Variants in CLHC1 observed in about 807,000 individuals in gnomAD.
CLHC1 encodes the protein clathrin heavy chain linker domain containing 1, also known as clathrin heavy chain linker domain-containing protein 1.
A neutral mutation model predicts 69.5 loss-of-function variants in CLHC1; 72 were observed. The ratio of observed to expected loss-of-function variants is 1.04; its 90% CI spans 0.86 to 1.26. The LOEUF is 1.26. Among genes scored for constraint, CLHC1 ranks in the 50% most tolerant of loss-of-function variants. The pLI is 0.00. For missense variants in CLHC1, 790 were observed against 679.3 expected (o/e 1.16, Z -1.81); for synonymous variants, 223 against 224.3 (o/e 0.99, Z 0.05).
In CLHC1 at chr2:55,181,556, T is replaced by C; in HGVS notation, c.1181+14A>G. Reference sequence around the variant, plus strand: ...GAAATGTCAAAATTAAGTTAAAAGCTTAACTTTGCTTACCTTTCCTGTGTA... The same window carrying C: ...GAAATGTCAAAATTAAGTTAAAAGCCTAACTTTGCTTACCTTTCCTGTGTA... On this transcript the variant is annotated intron_variant, in intron 10 of 12. Transcript: ENST00000401408. 2 of 1,568,846 alleles carry C rather than the reference T, an allele frequency of 1.3e-6. No homozygotes were observed. The highest frequency in any genetic ancestry group is 2.4e-5 in the South Asian group (2 of 84,774).
chr2:55,187,279 C>A (rs925081015), intron 9 of CLHC1, among the ~76,000 whole-genome samples: 16 of 127,314 alleles, frequency 1.3e-4, no homozygotes, highest in African/African-American at 5.5e-4. Context: ...AACTCCATCT[C>A]AAATAAAATA....
intron 9 of CLHC1, among the ~76,000 whole-genome samples, chr2:55,200,352 T>C (rs1280391382): frequency 6.8e-6 from 1 of 148,034 alleles, no homozygotes; most frequent in Non-Finnish European, 1.5e-5. Context: ...TGGAAAAAGA[T>C]ATTCCATTCA....
chr2:55,179,662 C>T (rs1366795098), intron 11 of CLHC1, among the ~76,000 whole-genome samples: 9 of 152,052 alleles, frequency 5.9e-5, no homozygotes, highest in Admixed American at 6.5e-5. Flanking sequence ...GAGATGTCAG[C>T]AATGCCTGTA....
intron 9 of CLHC1, among the ~76,000 whole-genome samples, chr2:55,190,581 G>A (rs908363268): frequency 6.6e-6 from 1 of 152,256 alleles, no homozygotes; most frequent in Non-Finnish European, 1.5e-5. Context: ...CAAAGTTACA[G>A]AGATGAAAAC....
At chr2:55,194,654 C>T (rs1337273734) in intron 9 of CLHC1, among the ~76,000 whole-genome samples, 1 of 151,924 alleles carries the variant, frequency 6.6e-6, no homozygotes, top group African/African-American at 2.4e-5. Flanking sequence ...AAGAAAGCCA[C>T]AGAAGTACTA....
rs1339425309 is a variant in CLHC1 at position 55,222,406 on chromosome 2, T to G, written c.6A>C (p.Ser2=). 1 of 1,612,672 alleles carries G rather than the reference T, an allele frequency of 6.2e-7. No individual in the cohort carries two copies. The highest frequency in any genetic ancestry group is 1.7e-5 in the Admixed American group (1 of 59,756). The change falls in exon 3 of 13, where the codon TCA becomes TCC. Residue 2 remains serine, a synonymous_variant. Coordinates refer to ENST00000401408, the MANE Select transcript of CLHC1 (RefSeq NM_152385.4). ...CTGCATGTTTTCTTATTTGATGAAC[T>G]GACATATTTGACAATCTGCACACTT... is the stretch of plus-strand genomic sequence containing the variant. M[S]VHQIRKHAVL... is the part of the protein sequence containing the mutation.
At chr2:55,187,792 C>A (rs1292085931) in intron 9 of CLHC1, among the ~76,000 whole-genome samples, 1 of 151,932 alleles carries the variant, frequency 6.6e-6, no homozygotes, top group African/African-American at 2.4e-5. Context: ...AAATAATTAA[C>A]CTCAGAGGAA....
chr2:55,184,525 C>T (rs1216880178), intron 9 of CLHC1, among the ~76,000 whole-genome samples: 1 of 152,130 alleles, frequency 6.6e-6, no homozygotes, highest in Non-Finnish European at 1.5e-5. Flanking sequence ...TGCCTCCTAT[C>T]CAACATTTTA....
Position 55,222,281 on chromosome 2 carries a change from C to T in CLHC1, c.131G>A (p.Gly44Glu). The change falls in exon 3 of 13, where the codon GGA becomes GAA. Residue 44 changes from glycine (G) to glutamate (E), a missense_variant. Coordinates refer to ENST00000401408, the MANE Select transcript of CLHC1 (RefSeq NM_152385.4). ...TATGATGTAATATTCATCAGCAGGT[C>T]CTTCCTCACTACAGCCCAGTCTTTC... is the stretch of plus-strand genomic sequence containing the variant. The part of the protein sequence containing the change: ...ETERLGCSEE[G>E]PADEYYIIYR... 1.2e-6 allele frequency: 2 copies of T among 1,613,656 alleles called. No individual in the cohort carries two copies. Among genetic ancestry groups the T allele is most frequent in the South Asian group, 2.2e-5 (2 of 91,050 alleles).
At chr2:55,205,201 T>C (rs187704226) in intron 9 of CLHC1, among the ~76,000 whole-genome samples, 3 of 152,266 alleles carry the variant, frequency 2.0e-5, no homozygotes, top group Admixed American at 2.0e-4. Context: ...TGGAATACAG[T>C]ATGGAAATTT....
Position 55,175,955 on chromosome 2 carries a change from G to A in CLHC1, c.1596C>T (p.Ser532=). ...CTTGCCACTTTTCTATGGAGCAAAAGGAATCATTTATCATAAGACTTTCTA... is the reference window on the plus strand; with the variant it reads ...CTTGCCACTTTTCTATGGAGCAAAAAGAATCATTTATCATAAGACTTTCTA... ...DAVESLMIND[S]FCSIEKWQEV... The change falls in exon 13 of 13, where the codon TCC becomes TCT. Residue 532 remains serine, a synonymous_variant. Transcript: ENST00000401408. 2 of 1,613,888 alleles carry A rather than the reference G, an allele frequency of 1.2e-6. No individual in the cohort carries two copies. Among genetic ancestry groups the A allele is most frequent in the South Asian group, 2.2e-5 (2 of 91,082 alleles).
chr2:55,191,169 A>G (rs1670890724), intron 9 of CLHC1, among the ~76,000 whole-genome samples: 1 of 152,212 alleles, frequency 6.6e-6, no homozygotes. Context: ...AGCTGAATGA[A>G]TTTGTCACCA....
At chr2:55,198,415 G>A (rs1332890118) in intron 9 of CLHC1, among the ~76,000 whole-genome samples, 1 of 152,074 alleles carries the variant, frequency 6.6e-6, no homozygotes, top group East Asian at 1.9e-4. Flanking sequence ...GCAAAACCAT[G>A]TCTGTACTAA....
intron 4 of CLHC1, among the ~76,000 whole-genome samples, chr2:55,217,134 G>T (rs372127670): frequency 3.3e-5 from 5 of 152,172 alleles, no homozygotes; most frequent in Non-Finnish European, 1.5e-5. Flanking sequence ...GGCAGAGGTG[G>T]CAGTGGGCCA....
rs114488682 is a variant in CLHC1 at position 55,185,263 on chromosome 2, A to G, written c.1007-3519T>C. ...CACACCAAACAACACAGAAAGTCTC[A>G]GGAATTGCCAGCACCGGGAACCTCT... is the stretch of plus-strand genomic sequence containing the variant. On this transcript the variant is annotated intron_variant, in intron 9 of 12. Transcript: ENST00000401408. Among the ~76,000 whole-genome samples the G allele has an allele frequency of 3.7e-3, 561 of 152,336 alleles. 2 individuals carry two copies. The highest frequency in any genetic ancestry group is 0.031 in the Middle Eastern group (9 of 294).
chr2:55,212,862 A>G, intron 4 of CLHC1, 56 bp from the exon 5 acceptor site: 1 of 1,346,670 alleles, frequency 7.4e-7, no homozygotes, highest in Non-Finnish European at 1.1e-6. Flanking sequence ...CTTGAACCAC[A>G]AAACCTAAAG....
chr2:55,195,880 T>C (rs1255047168), intron 9 of CLHC1, among the ~76,000 whole-genome samples: 1 of 151,944 alleles, frequency 6.6e-6, no homozygotes, highest in African/African-American at 2.4e-5. Context: ...AGAACAAAAA[T>C]CAGTTGTGTA....
intron 1 of CLHC1, chr2:55,231,812 G>C (rs1197699497): frequency 6.6e-6 from 1 of 152,184 alleles, no homozygotes; most frequent in Non-Finnish European, 1.5e-5. Context: ...CCATTCTGCA[G>C]GTTTCTTTTC....
At chr2:55,186,898 T>C (rs537931066) in intron 9 of CLHC1, among the ~76,000 whole-genome samples, 3 of 152,164 alleles carry the variant, frequency 2.0e-5, no homozygotes, top group Admixed American at 1.3e-4. Flanking sequence ...GATATGATCA[T>C]TGAGGTGGCA....
Sources: gnomAD v4.1 joint callset for allele counts (sites outside exome capture counted in the v4.1 genomes callset) on GRCh38, gnomAD v4.1.1 for gene constraint, MANE v1.5 for transcripts, NCBI Gene and HGNC (gene_info 2026-07-23, HGNC 2026-07-21) for gene names.